Variants in SHANK1 observed in about 807,000 individuals in gnomAD.
SHANK1 encodes the protein SH3 and multiple ankyrin repeat domains protein 1.
SHANK1 carries 35 observed loss-of-function variants against 165.6 expected under a neutral mutation model. The observed-to-expected ratio is 0.21, with a 90% CI of 0.16 to 0.28. The LOEUF is 0.28. SHANK1 is among the 10% of genes least tolerant of loss of function. The pLI, the probability that SHANK1 is intolerant of heterozygous loss-of-function variation, is 1.00. For synonymous variants in SHANK1, 1,428 were observed against 1,384.8 expected (o/e 1.03, Z -0.69); for missense variants, 2,681 against 3,036.4 (o/e 0.88, Z 2.75).
rs1274059666 is a variant in SHANK1 at position 50,668,525 on chromosome 19, G to A, written c.3435C>T (p.Ala1145=). Reference sequence around the variant, plus strand: ...GGATGGAGTTCTTCTCCGAGGGCGCGGCCACGGCGGGCGGCGGCTGCGGGG... The same window carrying A: ...GGATGGAGTTCTTCTCCGAGGGCGCAGCCACGGCGGGCGGCGGCTGCGGGG... ...PASPQPPPAV[A]APSEKNSIPI... The change falls in exon 23 of 24, where the codon GCC becomes GCT. Residue 1145 remains alanine, a synonymous_variant. Coordinates refer to ENST00000293441, the MANE Select transcript of SHANK1 (RefSeq NM_016148.5). The A allele has an allele frequency of 2.2e-6, 3 of 1,350,142 alleles. No homozygotes were observed. The highest frequency in any genetic ancestry group is 2.9e-6 in the Non-Finnish European group (3 of 1,051,800). The allele number at this position is 1,350,142 out of a possible 1,614,324, so 83.6% of individuals were successfully genotyped here.
At chr19:50,669,320 T>TCCCC in intron 22 of SHANK1, 35 bp from the exon 23 acceptor site, 13 of 1,464,124 alleles carry the variant, frequency 8.9e-6, no homozygotes, top group African/African-American at 1.4e-5. Flanking sequence ...AGGGGGACCC[T>TCCCC]GGCGGGGAGG....
chr19:50,673,850 G>A (rs1985887853), intron 21 of SHANK1, among the ~76,000 whole-genome samples: 2 of 149,538 alleles, frequency 1.3e-5, no homozygotes, highest in Middle Eastern at 3.5e-3. Flanking sequence ...CTGGAGTGCA[G>A]TGGCGTTAAC....
intron 23 of SHANK1, among the ~76,000 whole-genome samples, chr19:50,664,037 T>C (rs1303931934): frequency 1.4e-5 from 2 of 145,120 alleles, no homozygotes; most frequent in Admixed American, 7.0e-5. Flanking sequence ...CCTTCCAGGC[T>C]CAAGTGATCC....
At position 50,686,672 on chromosome 19, in the gene SHANK1, G is replaced by A; in HGVS notation, c.2458+72C>T. On this transcript the variant is annotated intron_variant, in intron 20 of 23. Transcript: ENST00000293441. This position sits in a 1 kb window ranked among gnomAD's most constrained non-coding sequence, Gnocchi z 5.7. ...AGGTGAGGGGCGCCGTGGGGTTCAT[G>A]GTGGGACAGGGATGCAGCGGGTGCC... is the stretch of plus-strand genomic sequence containing the variant. 2 of 1,432,632 alleles carry A rather than the reference G, an allele frequency of 1.4e-6. No homozygotes were observed. Among genetic ancestry groups the A allele is most frequent in the East Asian group, 2.3e-5 (1 of 43,442 alleles). 88.7% of individuals were successfully genotyped at this position (1,432,632 alleles called of 1,614,324 possible).
chr19:50,712,637 C>G (rs966743658), intron 6 of SHANK1, among the ~76,000 whole-genome samples: 2 of 152,178 alleles, frequency 1.3e-5, no homozygotes, highest in African/African-American at 4.8e-5. Context: ...TTCCTGCCCC[C>G]ACTTGAAGGA....
rs902016341 is a variant in SHANK1, at chr19:50,713,443, G to A, written c.792+355C>T. On this transcript the variant is annotated intron_variant, in intron 6 of 23. Transcript: ENST00000293441. The surrounding 1 kb of genome is among the most constrained non-coding windows in gnomAD (Gnocchi z 6.2). The stretch of plus-strand genomic sequence containing the variant: ...GTGTGTGGAGGGGCTCTATCTGGGG[G>A]CATAGCAGGGAGCTCACTTCGTATT... Among the ~76,000 whole-genome samples the A allele has an allele frequency of 3.3e-5, 5 of 151,916 alleles. No homozygotes were observed. The highest frequency in any genetic ancestry group is 5.9e-5 in the Non-Finnish European group (4 of 67,978).
Position 50,660,121 on chromosome 19 carries a change from G to T in SHANK1, c.*1844C>A, listed in dbSNP as rs919533059. ...TCCCTTCTTTGGCAGCTGAACATGG[G>T]GGGGGGACCTGAGGGCAACGCCCTC... On this transcript the variant is annotated 3_prime_UTR_variant, in exon 24 of 24. Coordinates refer to ENST00000293441, the MANE Select transcript of SHANK1 (RefSeq NM_016148.5). 1.3e-4 allele frequency among the ~76,000 whole-genome samples: 20 copies of T among 151,320 alleles called. No homozygotes were observed. In the East Asian group the frequency reaches 2.0e-3, roughly 15 times the overall value.
chr19:50,691,051 C>G (rs934350956), intron 15 of SHANK1, among the ~76,000 whole-genome samples: 4 of 152,086 alleles, frequency 2.6e-5, no homozygotes, highest in Admixed American at 6.5e-5. Context: ...AGCAACAGTC[C>G]TCGCTCAAAG....
At position 50,697,996 on chromosome 19, in the gene SHANK1, C is replaced by T; in HGVS notation, c.1748-40G>A. On this transcript the variant is annotated intron_variant, in intron 12 of 23. Transcript: ENST00000293441. The surrounding 1 kb of genome is among the most constrained non-coding windows in gnomAD (Gnocchi z 4.7). ...GGGACATAGAGACATTTCTGTGTTT[C>T]TGTGCTGCCCCTCAACTGCCAACAC... 7.0e-7 allele frequency: 1 copy of T among 1,427,022 alleles called. No homozygotes were observed. The highest frequency in any genetic ancestry group is 9.8e-7 in the Non-Finnish European group (1 of 1,020,792). 88.4% of individuals were successfully genotyped at this position (1,427,022 alleles called of 1,614,324 possible). A position where few individuals can be genotyped will look rare whatever the true frequency, so the allele number is the denominator to read the frequency against.
chr19:50,709,697 A>C (rs1178977324), intron 8 of SHANK1, among the ~76,000 whole-genome samples: 2 of 152,114 alleles, frequency 1.3e-5, no homozygotes, highest in Non-Finnish European at 2.9e-5. Flanking sequence ...CTTCAGGTGC[A>C]TGCCACTGTG....
chr19:50,712,498 G>A (rs1297000933), intron 6 of SHANK1, among the ~76,000 whole-genome samples: 2 of 152,212 alleles, frequency 1.3e-5, no homozygotes, highest in African/African-American at 2.4e-5. Context: ...GATGCTGGAG[G>A]GTCTCTGACC....
In SHANK1 at chr19:50,686,788, A is replaced by G. The variant is rs972352346; in HGVS notation, c.2414T>C (p.Val805Ala). 3.5e-5 allele frequency: 57 copies of G among 1,613,666 alleles called. No homozygotes were observed. Among genetic ancestry groups the G allele is most frequent in the Non-Finnish European group, 4.8e-5 (57 of 1,179,774 alleles). The change falls in exon 20 of 24, where the codon GTG (valine) becomes GCG (alanine). Residue 805 changes from valine (V) to alanine (A), a missense_variant. Val to Ala is a moderately conservative substitution (Grantham distance 64). Around this residue, in one of 10 missense-constraint regions of SHANK1, gnomAD observed 206 missense variants for 216.0 expected, o/e 0.95. Transcript: ENST00000293441. The surrounding 1 kb of genome is among the most constrained non-coding windows in gnomAD (Gnocchi z 5.7). ...GGTCCGCTTTTTCTCCATGCTGGGC[A>G]CCGGCGCCGGCTGCTGCTCGTACTC... is the stretch of plus-strand genomic sequence containing the variant. ...EMEYEQQPAP[V>A]PSMEKKRTVY...
intron 12 of SHANK1, among the ~76,000 whole-genome samples, chr19:50,700,680 A>G (rs1986889650): frequency 6.6e-6 from 1 of 152,012 alleles, no homozygotes; most frequent in African/African-American, 2.4e-5. Flanking sequence ...GAGGATATAA[A>G]AACAGAAGGC....
rs1187115803 is a variant in SHANK1 at position 50,690,727 on chromosome 19, C to G, written c.1965-1448G>C. ...AATACTCCAGTATGTTTCGGCAACC[C>G]CCACACATCCCAGTATGTTCCAATA... is the stretch of plus-strand genomic sequence containing the variant. On this transcript the variant is annotated intron_variant, in intron 15 of 23. Transcript: ENST00000293441. This position sits in a 1 kb window ranked among gnomAD's most constrained non-coding sequence, Gnocchi z 4.9. Among the ~76,000 whole-genome samples, 5 of 152,078 alleles carry G rather than the reference C, an allele frequency of 3.3e-5. No homozygotes were observed. Among genetic ancestry groups the G allele is most frequent in the African/African-American group, 4.8e-5 (2 of 41,390 alleles).
rs752744514 is a variant in SHANK1 at position 50,667,264 on chromosome 19, G to C, written c.4696C>G (p.Pro1566Ala). The C allele has an allele frequency of 6.3e-7, 1 of 1,596,378 alleles. No individual in the cohort carries two copies. Among genetic ancestry groups the C allele is most frequent in the Non-Finnish European group, 8.5e-7 (1 of 1,178,738 alleles). ...GAGAATTCCAGAGGCGGAGGCAGCGGTTCCACGAAAAGGAATTCGCCATCT... is the reference window on the plus strand; with the variant it reads ...GAGAATTCCAGAGGCGGAGGCAGCGCTTCCACGAAAAGGAATTCGCCATCT... ...VEDGEFLFVE[P>A]LPPPLEFSNS... is the part of the protein sequence containing the mutation. Residue 1566 changes from proline to alanine, a missense_variant, in exon 23 of 24, where the codon CCG (proline) becomes GCG (alanine). Physicochemically the swap from Pro to Ala is conservative, Grantham distance 27. Transcript: ENST00000293441. This position sits in a 1 kb window ranked among gnomAD's most constrained non-coding sequence, Gnocchi z 5.7.
intron 21 of SHANK1, among the ~76,000 whole-genome samples, chr19:50,673,095 ACAGCC>A (rs1985857075): frequency 6.6e-6 from 1 of 152,096 alleles, no homozygotes; most frequent in South Asian, 2.1e-4. Context: ...GGAGCAGCCC[ACAGCC>A]CACGATGGAC....
intron 21 of SHANK1, among the ~76,000 whole-genome samples, chr19:50,672,504 C>T (rs1262153814): frequency 7.9e-6 from 1 of 126,138 alleles, no homozygotes; most frequent in African/African-American, 3.1e-5. Flanking sequence ...TACAGTGAGC[C>T]AAGATCACAC....
Position 50,688,519 on chromosome 19 carries a change from G to GC in SHANK1, c.2172+324dup, listed in dbSNP as rs920269185. Among the ~76,000 whole-genome samples, 13 of 152,068 alleles carry GC rather than the reference G, an allele frequency of 8.5e-5. No individual in the cohort carries two copies. Among genetic ancestry groups the GC allele is most frequent in the African/African-American group, 3.1e-4 (13 of 41,410 alleles). ...GACAGGATCTTGCTATGTTGCCCAG[G>GC]CTGGTCTCAAACTCTTGAGTTCAAG... On this transcript the variant is annotated intron_variant, in intron 17 of 23. Coordinates refer to ENST00000293441, the MANE Select transcript of SHANK1 (RefSeq NM_016148.5). The surrounding 1 kb of genome is among the most constrained non-coding windows in gnomAD (Gnocchi z 6.7).
At position 50,667,522 on chromosome 19, in the gene SHANK1, C is replaced by A; in HGVS notation, c.4438G>T (p.Ala1480Ser). The change falls in exon 23 of 24, where the codon GCA (alanine) becomes TCA (serine). Residue 1480 changes from alanine to serine, a missense_variant. Physicochemically the swap from Ala to Ser is moderately conservative, Grantham distance 99. Around this residue, in one of 10 missense-constraint regions of SHANK1, gnomAD observed 1,713 missense variants for 1,630.2 expected, o/e 1.05. Transcript: ENST00000293441. The surrounding 1 kb of genome is among the most constrained non-coding windows in gnomAD (Gnocchi z 5.7). ...AGCCGCTCGGGTTCTTCGGGGGCTG[C>A]GGACCTCCAGGGCTTGCTTACTCCG... ...HPGVSKPWRSAAPEEPERLPL... is the reference protein window; with the variant it reads ...HPGVSKPWRSSAPEEPERLPL... 6.6e-7 allele frequency: 1 copy of A among 1,514,348 alleles called. No homozygotes were observed. The allele number at this position is 1,514,348 out of a possible 1,614,324, so 93.8% of individuals were successfully genotyped here.
Sources: gnomAD v4.1 joint callset for allele counts (sites outside exome capture counted in the v4.1 genomes callset) on GRCh38, gnomAD v4.1.1 for gene constraint, gnomAD v4.1.1 regional missense constraint, Gnocchi (gnomAD v3.1) non-coding constraint, MANE v1.5 for transcripts, NCBI Gene and HGNC (gene_info 2026-07-23, HGNC 2026-07-21) for gene names.